IFT140: variants seen among roughly 807,000 people sequenced by gnomAD.
IFT140 encodes intraflagellar transport protein 140 homolog.
In IFT140, 133 loss-of-function variants were observed where a neutral mutation model predicts 164.6. That is an observed-to-expected ratio of 0.81 (90% confidence interval 0.70 to 0.93). IFT140 has a LOEUF of 0.93. Ranked by LOEUF, IFT140 falls within the 40% of genes least tolerant of loss-of-function variation. The probability of loss-of-function intolerance (pLI) is 0.00; values close to 1 mark genes in which losing one functional copy is unlikely to be tolerated. For synonymous variants in IFT140, 860 were observed against 817.3 expected (o/e 1.05, Z -0.89); for missense variants, 2,045 against 1,972.3 (o/e 1.04, Z -0.70).
At chr16:1,516,080 T>C (rs2040328477) in intron 30 of IFT140, among the ~76,000 whole-genome samples, 1 of 130,428 alleles carries the variant, frequency 7.7e-6, no homozygotes, top group African/African-American at 2.9e-5. Flanking sequence ...GTAGAGGTTG[T>C]GGTGAGCTGA....
intron 4 of IFT140, among the ~76,000 whole-genome samples, chr16:1,595,549 A>T (rs1363263251): frequency 2.7e-5 from 4 of 148,360 alleles, no homozygotes. Context: ...TGGGAGGTGG[A>T]GGTTGCAGTG....
rs1247943153 is a variant in IFT140 at position 1,553,052 on chromosome 16, G to C, written c.2399+4883C>G. ...AGAATGAACACAGAAACCAGTCACT[G>C]TCATTGTTCAGGACAAAATGGAGAT... On this transcript the variant is annotated intron_variant, in intron 19 of 30. Coordinates refer to ENST00000426508, the MANE Select transcript of IFT140 (RefSeq NM_014714.4). The surrounding 1 kb of genome is among the most constrained non-coding windows in gnomAD (Gnocchi z 4.4). 1.0e-6 allele frequency: 1 copy of C among 985,432 alleles called. No homozygotes were observed. Among genetic ancestry groups the C allele is most frequent in the Non-Finnish European group, 1.2e-6 (1 of 829,926 alleles). 61.0% of individuals were successfully genotyped at this position (985,432 alleles called of 1,614,324 possible).
Position 1,520,352 on chromosome 16 carries a change from A to C in IFT140, c.3661-9T>G. 1 of 1,613,640 alleles carries C rather than the reference A, an allele frequency of 6.2e-7. No homozygotes were observed. Among genetic ancestry groups the C allele is most frequent in the Non-Finnish European group, 8.5e-7 (1 of 1,179,948 alleles). ...AGCAGCGCCCTCATGGCCTAGGCAG[A>C]GAGACAGCGGGGCTCAGGCAAGCAG... On this transcript the variant is annotated splice_polypyrimidine_tract_variant and intron_variant, in intron 27 of 30. Transcript: ENST00000426508.
chr16:1,519,204 C>G (rs1021597687), intron 29 of IFT140, among the ~76,000 whole-genome samples: 2 of 152,228 alleles, frequency 1.3e-5, no homozygotes, highest in Non-Finnish European at 2.9e-5. Context: ...CTTTGTACGA[C>G]CTTGTTCAAA....
At chr16:1,579,931 T>C (rs2141733523) in intron 13 of IFT140, among the ~76,000 whole-genome samples, 1 of 143,270 alleles carries the variant, frequency 7.0e-6, no homozygotes, top group Admixed American at 7.3e-5. Context: ...GCCACTGTAC[T>C]CCAGCCTGGG....
At chr16:1,537,133 G>T (rs1455592256) in intron 19 of IFT140, among the ~76,000 whole-genome samples, 1 of 152,230 alleles carries the variant, frequency 6.6e-6, no homozygotes, top group Non-Finnish European at 1.5e-5. Flanking sequence ...GCTGGGTGCT[G>T]GTTTGCTCAC....
At chr16:1,544,260 T>C (rs1237257622) in intron 19 of IFT140, among the ~76,000 whole-genome samples, 1 of 150,918 alleles carries the variant, frequency 6.6e-6, no homozygotes, top group Non-Finnish European at 1.5e-5. Flanking sequence ...CTCGGCTCAC[T>C]GCAAGCTCCA....
intron 12 of IFT140, among the ~76,000 whole-genome samples, chr16:1,582,911 G>A (rs896595328): frequency 1.3e-5 from 2 of 152,192 alleles, no homozygotes; most frequent in Non-Finnish European, 1.5e-5. Flanking sequence ...GCAGAGAGCT[G>A]GAGAGATCTT....
chr16:1,513,583 A>C (rs766419824), intron 30 of IFT140, among the ~76,000 whole-genome samples: 1 of 152,082 alleles, frequency 6.6e-6, no homozygotes, highest in Non-Finnish European at 1.5e-5. Context: ...ATGACGACGG[A>C]CACATGGAAA....
intron 29 of IFT140, among the ~76,000 whole-genome samples, chr16:1,519,563 G>T (rs140257641): frequency 2.0e-3 from 306 of 152,144 alleles, no homozygotes; most frequent in African/African-American, 7.0e-3. Context: ...GGACTCCCCT[G>T]CCCGGCCCCT....
At chr16:1,524,969 G>A (rs2040639618) in intron 22 of IFT140, 53 bp from the exon 23 acceptor site, 1 of 1,569,126 alleles carries the variant, frequency 6.4e-7, no homozygotes, top group African/African-American at 1.3e-5. Flanking sequence ...CTCCAACCCG[G>A]GACGGCCCCC....
chr16:1,520,283 A>T lies in IFT140; in HGVS notation c.3721T>A (p.Ser1241Thr). The change falls in exon 28 of 31, where the codon TCC becomes ACC. Residue 1241 changes from serine to threonine, a missense_variant. Physicochemically the swap from Ser to Thr is moderately conservative, Grantham distance 58 (BLOSUM62 1). Coordinates refer to ENST00000426508, the MANE Select transcript of IFT140 (RefSeq NM_014714.4). ...ATGATGTAGATTTCCTTCTGCCTGG[A>T]CACGCTCGCGAAGAACGTGATTTTC... ...TEKITFFASV[S>T]RQKEIYIMAA... The T allele has an allele frequency of 1.9e-6, 3 of 1,614,168 alleles. No homozygotes were observed. Among genetic ancestry groups the T allele is most frequent in the Non-Finnish European group, 2.5e-6 (3 of 1,180,050 alleles).
chr16:1,564,199 CG>C lies in IFT140; in HGVS notation c.1902-38del. 1 of 1,517,714 alleles carries C rather than the reference CG, an allele frequency of 6.6e-7. No homozygotes were observed. The highest frequency in any genetic ancestry group is 2.4e-5 in the East Asian group (1 of 41,996). The allele number at this position is 1,517,714 out of a possible 1,614,324, so 94.0% of individuals were successfully genotyped here. A position where few individuals can be genotyped will look rare whatever the true frequency, so the allele number is the denominator to read the frequency against. ...AGGAAGACCCGTTTCAACCCCAGGG[CG>C]GGCACTCCTGCTACCAGTCTCCCTC... On this transcript the variant is annotated intron_variant, in intron 16 of 30. Coordinates refer to ENST00000426508, the MANE Select transcript of IFT140 (RefSeq NM_014714.4). This position sits in a 1 kb window ranked among gnomAD's most constrained non-coding sequence, Gnocchi z 5.5.
At chr16:1,607,943 T>C (rs1482792032) in intron 2 of IFT140, among the ~76,000 whole-genome samples, 1 of 152,160 alleles carries the variant, frequency 6.6e-6, no homozygotes, top group African/African-American at 2.4e-5. Flanking sequence ...CCACTGCCTT[T>C]TAAACAACAT....
Position 1,511,005 on chromosome 16 carries a change from C to T in IFT140, c.4328G>A (p.Ser1443Asn). ...RTVPEQVRHN[S>N]MEDARELDEE... The stretch of plus-strand genomic sequence containing the variant: ...GTCCAGCTCCCTGGCGTCCTCCATG[C>T]TGTTGTGGCGGACCTGCTCGGGGAC... The change falls in exon 31 of 31, where the codon AGC becomes AAC. Residue 1443 changes from serine to asparagine, a missense_variant. Coordinates refer to ENST00000426508, the MANE Select transcript of IFT140 (RefSeq NM_014714.4). 1 of 1,610,146 alleles carries T rather than the reference C, an allele frequency of 6.2e-7. No individual in the cohort carries two copies.
At chr16:1,598,938 C>G (rs1025695447) in intron 4 of IFT140, among the ~76,000 whole-genome samples, 1 of 146,576 alleles carries the variant, frequency 6.8e-6, no homozygotes, top group African/African-American at 2.6e-5. Context: ...GGAGCGTCTC[C>G]GCCCGGCCGC....
At chr16:1,572,969 G>A (rs1211362293) in intron 13 of IFT140, among the ~76,000 whole-genome samples, 1 of 152,156 alleles carries the variant, frequency 6.6e-6, no homozygotes, top group Non-Finnish European at 1.5e-5. Context: ...CATGGGAGCT[G>A]CACAGAATCT....
chr16:1,611,569 C>T (rs2142152707), intron 1 of IFT140, among the ~76,000 whole-genome samples: 1 of 151,088 alleles, frequency 6.6e-6, no homozygotes, highest in East Asian at 2.0e-4. Flanking sequence ...AAACCCAGTA[C>T]TTTGGGAGGC....
At chr16:1,536,750 C>T (rs1046842715) in intron 19 of IFT140, among the ~76,000 whole-genome samples, 8 of 152,286 alleles carry the variant, frequency 5.3e-5, no homozygotes, top group East Asian at 3.9e-4. Context: ...CTGCCTCTCT[C>T]GCCTTCTCCT....
Sources: allele counts gnomAD v4.1 joint callset (sites outside exome capture counted in the v4.1 genomes callset), GRCh38; gene constraint gnomAD v4.1.1; non-coding constraint Gnocchi (gnomAD v3.1); transcripts MANE v1.5; gene names NCBI Gene and HGNC (gene_info 2026-07-23, HGNC 2026-07-21).